PPP6C: variants seen among roughly 807,000 people sequenced by gnomAD.
PPP6C encodes serine/threonine-protein phosphatase 6 catalytic subunit.
Under a neutral mutation model 39.8 loss-of-function variants are expected in PPP6C, and 11 were observed. The observed-to-expected ratio is 0.28, with a 90% CI of 0.17 to 0.46. The LOEUF (loss-of-function observed/expected upper bound fraction) is 0.46. PPP6C is among the 20% of genes least tolerant of loss of function. The pLI, the probability that PPP6C is intolerant of heterozygous loss-of-function variation, is 1.00. For synonymous variants in PPP6C, 129 were observed against 130.3 expected, an observed-to-expected ratio of 0.99 and a Z score of 0.07; for missense variants, 211 against 373.9, an observed-to-expected ratio of 0.56 and a Z score of 3.59.
chr9:125,173,942 C>T (rs1053866092), intron 1 of PPP6C, among the ~76,000 whole-genome samples: 2 of 152,128 alleles, frequency 1.3e-5, no homozygotes, highest in African/African-American at 4.8e-5. Context: ...TAAAGGAACT[C>T]TAAATGTTTG....
chr9:125,152,853 A>G (rs1466038723), intron 6 of PPP6C, among the ~76,000 whole-genome samples: 2 of 149,324 alleles, frequency 1.3e-5, no homozygotes, highest in African/African-American at 5.0e-5. Context: ...GATTCATGTT[A>G]TTGTCTCTTG....
At position 125,164,213 on chromosome 9, in the gene PPP6C, ACT is replaced by A. The variant is rs200067391; in HGVS notation, c.172-3309_172-3308del. On this transcript the variant is annotated intron_variant, in intron 2 of 6. Transcript: ENST00000373547. ...ACCATCTACTCTATGTCTCTCCCTC[ACT>A]CTCTTTTTTTTTTTTTTTTTTTTTT... 1.5e-4 allele frequency among the ~76,000 whole-genome samples: 15 copies of A among 99,658 alleles called. 3 individuals are homozygous for A. The highest frequency in any genetic ancestry group is 3.4e-4 in the South Asian group (1 of 2,974). The allele number at this position is 99,658 out of a possible 152,430, so 65.4% of individuals were successfully genotyped here. A position where few individuals can be genotyped will look rare whatever the true frequency, so the allele number is the denominator to read the frequency against.
At chr9:125,152,818 G>C (rs182305759) in intron 6 of PPP6C, among the ~76,000 whole-genome samples, 2 of 149,396 alleles carry the variant, frequency 1.3e-5, no homozygotes, top group Non-Finnish European at 3.0e-5. Flanking sequence ...CAACATGAGC[G>C]AAACTCTTGT....
At chr9:125,180,837 G>A (rs1049874057) in intron 1 of PPP6C, among the ~76,000 whole-genome samples, 1 of 152,168 alleles carries the variant, frequency 6.6e-6, no homozygotes, top group African/African-American at 2.4e-5. Context: ...CTATGTGCTA[G>A]CCTGAAAATA....
At chr9:125,183,439 T>G (rs577249816) in intron 1 of PPP6C, among the ~76,000 whole-genome samples, 146 of 152,352 alleles carry the variant, frequency 9.6e-4, no homozygotes, top group African/African-American at 3.4e-3. Context: ...CCTGTAATAA[T>G]TTTCTTTGAA....
At chr9:125,149,990 TA>T in intron 6 of PPP6C, 69 bp from the exon 7 acceptor site, 1 of 1,528,152 alleles carries the variant, frequency 6.5e-7, no homozygotes, top group South Asian at 1.2e-5. Flanking sequence ...ATCATTTAAA[TA>T]AAATACCAAA....
chr9:125,171,933 T>C (rs1829179221), intron 1 of PPP6C: 2 of 466,996 alleles, frequency 4.3e-6, no homozygotes, highest in African/African-American at 2.0e-5. Context: ...ACTGTAGTCT[T>C]GGCAATAAAA....
At chr9:125,155,688 G>A (rs947272562) in intron 4 of PPP6C, among the ~76,000 whole-genome samples, 1 of 152,264 alleles carries the variant, frequency 6.6e-6, no homozygotes, top group Non-Finnish European at 1.5e-5. Flanking sequence ...CGGATCACAA[G>A]GTCAGGAGAT....
At position 125,148,989 on chromosome 9, in the gene PPP6C, CCTAT is replaced by C. The variant is rs1344584836; in HGVS notation, c.*680_*683del. On this transcript the variant is annotated 3_prime_UTR_variant, in exon 7 of 7. Transcript: ENST00000373547. ...GCTGTTTAAAATTTCTAACACTTAA[CCTAT>C]CTGAGTTTTATTTAAGATTACTTTA... is the stretch of plus-strand genomic sequence containing the variant. The C allele has an allele frequency of 6.6e-6, 1 of 151,882 alleles. No individual in the cohort carries two copies. The highest frequency in any genetic ancestry group is 2.4e-5 in the African/African-American group (1 of 41,384). 9.4% of individuals were successfully genotyped at this position (151,882 alleles called of 1,614,324 possible). A position where few individuals can be genotyped will look rare whatever the true frequency, so the allele number is the denominator to read the frequency against.
intron 2 of PPP6C, among the ~76,000 whole-genome samples, chr9:125,167,860 G>A (rs1166844115): frequency 1.5e-5 from 2 of 131,378 alleles, no homozygotes; most frequent in Non-Finnish European, 3.1e-5. Flanking sequence ...TCATTTGGTT[G>A]CCCAGGCTGG....
chr9:125,161,376 C>A (rs941912389), intron 2 of PPP6C, among the ~76,000 whole-genome samples: 3 of 152,130 alleles, frequency 2.0e-5, no homozygotes, highest in African/African-American at 7.2e-5. Flanking sequence ...GTTATATACC[C>A]TCAGGCTCCA....
chr9:125,168,441 TTTCTGATTAGCAATC>T (rs1829071907), intron 2 of PPP6C, among the ~76,000 whole-genome samples: 1 of 152,210 alleles, frequency 6.6e-6, no homozygotes, highest in Non-Finnish European at 1.5e-5. Flanking sequence ...AAATCCCATG[TTTCTGATTAGCAATC>T]TTCTGTTTTT....
intron 1 of PPP6C, among the ~76,000 whole-genome samples, chr9:125,180,774 TAGTCCATAAGGCCTCCTA>T (rs1161051980): frequency 1.3e-5 from 2 of 152,194 alleles, no homozygotes; most frequent in African/African-American, 4.8e-5. Flanking sequence ...CTGGTTCTCC[TAGTCCATAAGGCCTCCTA>T]AACTTGAAGT....
At position 125,155,011 on chromosome 9, in the gene PPP6C, G is replaced by A. The variant is rs908580195; in HGVS notation, c.380-1026C>T. Among the ~76,000 whole-genome samples the A allele has an allele frequency of 3.3e-5, 5 of 152,152 alleles. No homozygotes were observed. The East Asian group carries it at 7.7e-4, about 23-fold the overall frequency. On this transcript the variant is annotated intron_variant, in intron 4 of 6. Transcript: ENST00000373547. ...CAACCTCAACCACTTGGGTTCAAGC[G>A]ATCCCACCACCTCAGCCTTCTGAAC...
intron 1 of PPP6C, among the ~76,000 whole-genome samples, chr9:125,174,754 T>A (rs979930108): frequency 6.7e-6 from 1 of 149,730 alleles, no homozygotes; most frequent in East Asian, 2.0e-4. Flanking sequence ...TACTAAAAAA[T>A]ACAAAAATAA....
chr9:125,171,478 C>CATATATATATATATATAT (rs59002869), intron 1 of PPP6C, among the ~76,000 whole-genome samples: 1 of 83,528 alleles, frequency 1.2e-5, no homozygotes, highest in Admixed American at 1.4e-4. Context: ...CACACACACA[C>CATATATATATATATATAT]ATATATATAT....
intron 2 of PPP6C, among the ~76,000 whole-genome samples, chr9:125,170,179 A>G (rs1163742173): frequency 1.3e-5 from 2 of 152,118 alleles, no homozygotes; most frequent in Non-Finnish European, 2.9e-5. Context: ...TATACATGAG[A>G]CTAAACACTG....
At chr9:125,151,691 AGTGT>A (rs386738516) in intron 6 of PPP6C, 120,100 of 481,326 alleles carry the variant, frequency 0.25, 16,468 homozygotes, top group Middle Eastern at 0.31. Flanking sequence ...AGCTTGCTCC[AGTGT>A]AGCTTTCTAT....
chr9:125,147,995 T>G lies in PPP6C; in HGVS notation c.*1678A>C, dbSNP rs1048857956. 5.4e-6 allele frequency: 1 copy of G among 186,202 alleles called. No homozygotes were observed. The highest frequency in any genetic ancestry group is 2.4e-5 in the African/African-American group (1 of 41,570). The allele number at this position is 186,202 out of a possible 1,614,324, so 11.5% of individuals were successfully genotyped here. ...GCTACTGACCCAACATTAGTTCAAGTGTGTGCAGCAAATGTCTTAGCCACC... is the reference window on the plus strand; with the variant it reads ...GCTACTGACCCAACATTAGTTCAAGGGTGTGCAGCAAATGTCTTAGCCACC... On this transcript the variant is annotated 3_prime_UTR_variant, in exon 7 of 7. Transcript: ENST00000373547.
Sources: allele counts gnomAD v4.1 joint callset (sites outside exome capture counted in the v4.1 genomes callset), GRCh38; gene constraint gnomAD v4.1.1; transcripts MANE v1.5; gene names NCBI Gene and HGNC (gene_info 2026-07-23, HGNC 2026-07-21).